RPS6KC1: variants seen among roughly 807,000 people sequenced by gnomAD.
RPS6KC1 encodes the protein ribosomal protein S6 kinase C1.
Under a neutral mutation model 103.8 loss-of-function variants are expected in RPS6KC1, and 54 were observed. That is an observed-to-expected ratio of 0.52 (90% CI 0.42 to 0.65). The LOEUF is 0.65. Among genes scored for constraint, RPS6KC1 ranks in the 30% least tolerant of loss-of-function variants. RPS6KC1 has a pLI of 0.00. For synonymous variants in RPS6KC1, 439 were observed against 438.7 expected, an observed-to-expected ratio of 1.00 and a Z score of -0.01; for missense variants, 1,151 against 1,253.8, an observed-to-expected ratio of 0.92 and a Z score of 1.24.
the RPS6KC1 span, among the ~76,000 whole-genome samples, chr1:213,332,092 T>C: frequency 6.6e-6 from 1 of 151,670 alleles, no homozygotes; most frequent in Non-Finnish European, 1.5e-5. Context: ...CATACATGTG[T>C]CCCAGGTTGG....
chr1:213,701,581 G>T, the RPS6KC1 span, among the ~76,000 whole-genome samples: 2 of 151,928 alleles, frequency 1.3e-5, no homozygotes, highest in Non-Finnish European at 2.9e-5. Flanking sequence ...TTATGGCTTT[G>T]ATCTCATTAC....
At chr1:213,720,138 C>A in the RPS6KC1 span, among the ~76,000 whole-genome samples, 1,553 of 152,264 alleles carry the variant, frequency 0.01, 9 homozygotes, top group Non-Finnish European at 0.016. Context: ...GAGGAGGGAG[C>A]ATGGGGCTCA....
the RPS6KC1 span, among the ~76,000 whole-genome samples, chr1:213,449,719 G>A: frequency 1.3e-5 from 2 of 152,052 alleles, no homozygotes; most frequent in East Asian, 1.9e-4. Context: ...TGTTTCTGAC[G>A]GCTCTGTCTC....
At chr1:213,716,180 G>A in the RPS6KC1 span, among the ~76,000 whole-genome samples, 1 of 152,160 alleles carries the variant, frequency 6.6e-6, no homozygotes, top group African/African-American at 2.4e-5. Flanking sequence ...TCTCAAATGT[G>A]GATGCTCTGT....
chr1:213,582,478 A>G, the RPS6KC1 span, among the ~76,000 whole-genome samples: 1 of 152,310 alleles, frequency 6.6e-6, no homozygotes, highest in East Asian at 1.9e-4. Context: ...CACCAGGATC[A>G]CATTATCAGA....
At chr1:213,417,127 A>G in the RPS6KC1 span, among the ~76,000 whole-genome samples, 2 of 152,226 alleles carry the variant, frequency 1.3e-5, no homozygotes, top group East Asian at 3.9e-4. Context: ...GGCCCTCATC[A>G]ACATCACCTC....
chr1:213,664,250 G>C, the RPS6KC1 span, among the ~76,000 whole-genome samples: 1 of 151,896 alleles, frequency 6.6e-6, no homozygotes, highest in African/African-American at 2.4e-5. Flanking sequence ...GGGGGCAGCG[G>C]GAAGCAGGAC....
chr1:213,644,497 C>G, the RPS6KC1 span, among the ~76,000 whole-genome samples: 1 of 152,034 alleles, frequency 6.6e-6, no homozygotes, highest in East Asian at 1.9e-4. Context: ...GTTTCACTGC[C>G]CTAAAAATCC....
At chr1:213,780,504 C>T in the RPS6KC1 span, among the ~76,000 whole-genome samples, 646 of 152,252 alleles carry the variant, frequency 4.2e-3, 3 homozygotes, top group Non-Finnish European at 5.1e-3. Flanking sequence ...ACTTTACAAC[C>T]CGATTATATT....
the RPS6KC1 span, among the ~76,000 whole-genome samples, chr1:213,563,496 A>G: frequency 7.7e-6 from 1 of 129,156 alleles, no homozygotes; most frequent in Non-Finnish European, 1.8e-5. Context: ...TTTGTTTCCC[A>G]CTTATTGTGG....
the RPS6KC1 span, among the ~76,000 whole-genome samples, chr1:213,336,722 T>G: frequency 6.6e-6 from 1 of 152,198 alleles, no homozygotes; most frequent in Admixed American, 6.5e-5. Flanking sequence ...GAATGACTTG[T>G]CCGAGAATAC....
the RPS6KC1 span, among the ~76,000 whole-genome samples, chr1:213,472,847 AC>A: frequency 1.3e-5 from 2 of 152,256 alleles, no homozygotes; most frequent in Admixed American, 6.5e-5. Context: ...AGTATATTCA[AC>A]TAAAAGTAGT....
the RPS6KC1 span, among the ~76,000 whole-genome samples, chr1:213,730,400 A>G: frequency 3.9e-4 from 59 of 152,108 alleles, no homozygotes; most frequent in African/African-American, 1.4e-3. Context: ...CAGTGTATAG[A>G]TGTTCCTTTT....
At chr1:213,417,243 T>C in the RPS6KC1 span, among the ~76,000 whole-genome samples, 1 of 152,134 alleles carries the variant, frequency 6.6e-6, no homozygotes, top group Non-Finnish European at 1.5e-5. Context: ...TCCAGATTAG[T>C]CACCATGCAC....
the RPS6KC1 span, among the ~76,000 whole-genome samples, chr1:213,299,723 A>T: frequency 6.6e-6 from 1 of 152,222 alleles, no homozygotes; most frequent in African/African-American, 2.4e-5. Context: ...GATAGTTCAC[A>T]TTCTTTTCTC....
chr1:213,220,507 A>G (rs970762502), intron 8 of RPS6KC1, among the ~76,000 whole-genome samples: 7 of 152,010 alleles, frequency 4.6e-5, no homozygotes, highest in African/African-American at 1.7e-4. Context: ...TTGTATTTTT[A>G]TAGAAAGAGG....
At chr1:213,399,583 G>A in the RPS6KC1 span, among the ~76,000 whole-genome samples, 1 of 152,056 alleles carries the variant, frequency 6.6e-6, no homozygotes, top group East Asian at 1.9e-4. Context: ...TACACTGAGA[G>A]CTTCTTCTTA....
the RPS6KC1 span, among the ~76,000 whole-genome samples, chr1:213,554,201 A>T: frequency 1.0e-3 from 153 of 152,226 alleles, no homozygotes; most frequent in African/African-American, 3.5e-3. Flanking sequence ...TGATTTTTGT[A>T]TATGGTGAAA....
chr1:213,395,617 A>G, the RPS6KC1 span, among the ~76,000 whole-genome samples: 1 of 152,230 alleles, frequency 6.6e-6, no homozygotes, highest in African/African-American at 2.4e-5. Flanking sequence ...AAAAGGCCCC[A>G]GTTTGTAGCC....
Sources: allele counts gnomAD v4.1 joint callset (sites outside exome capture counted in the v4.1 genomes callset), GRCh38; gene constraint gnomAD v4.1.1; transcripts MANE v1.5; gene names NCBI Gene and HGNC (gene_info 2026-07-23, HGNC 2026-07-21).